Variants in SLC17A1 observed in about 807,000 individuals in gnomAD.
SLC17A1 encodes the protein sodium-dependent phosphate transport protein 1.
In SLC17A1, 51 loss-of-function variants were observed where a neutral mutation model predicts 53.5. The ratio of observed to expected loss-of-function variants is 0.95; its 90% CI spans 0.76 to 1.20. SLC17A1 has a LOEUF of 1.20. SLC17A1 is among the 50% of genes most tolerant of loss of function. SLC17A1 has a pLI of 0.00. For synonymous variants in SLC17A1, 179 were observed against 198.8 expected (o/e 0.90, Z 0.84); for missense variants, 538 against 568.2 (o/e 0.95, Z 0.54).
At chr6:25,787,162 T>G (rs556242095) in intron 12 of SLC17A1, among the ~76,000 whole-genome samples, 135 of 152,190 alleles carry the variant, frequency 8.9e-4, no homozygotes, top group Middle Eastern at 3.4e-3. Flanking sequence ...GTAAACCCTT[T>G]GCATCCTCAC....
chr6:25,804,468 A>G (rs1763889764), intron 10 of SLC17A1, among the ~76,000 whole-genome samples: 2 of 152,128 alleles, frequency 1.3e-5, no homozygotes, highest in Non-Finnish European at 2.9e-5. Context: ...AAGGCCTATA[A>G]AACAATAACA....
intron 12 of SLC17A1, 59 bp downstream of exon 12, chr6:25,798,713 GTCATCCTTATC>G: frequency 7.0e-7 from 1 of 1,425,332 alleles, no homozygotes; most frequent in Non-Finnish European, 9.5e-7. Context: ...CGTCTGAGGA[GTCATCCTTATC>G]TCCTCTGTCT....
chr6:25,806,710 G>A (rs1763966712), intron 10 of SLC17A1, among the ~76,000 whole-genome samples: 2 of 152,032 alleles, frequency 1.3e-5, no homozygotes, highest in Non-Finnish European at 2.9e-5. Context: ...ATCCTGTACA[G>A]CAAAAGAAAT....
intron 12 of SLC17A1, among the ~76,000 whole-genome samples, chr6:25,794,659 C>G (rs1763567754): frequency 6.6e-6 from 1 of 152,130 alleles, no homozygotes; most frequent in African/African-American, 2.4e-5. Context: ...TGACATTGGA[C>G]ATCAACTCAC....
the SLC17A1 span, among the ~76,000 whole-genome samples, chr6:25,764,713 G>A: frequency 6.6e-6 from 1 of 152,180 alleles, no homozygotes; most frequent in Non-Finnish European, 1.5e-5. Context: ...GACCCCATGA[G>A]CCCCTCAAGG....
At chr6:25,810,054 G>GTA (rs1482721342) in intron 10 of SLC17A1, among the ~76,000 whole-genome samples, 4 of 151,990 alleles carry the variant, frequency 2.6e-5, no homozygotes, top group East Asian at 3.9e-4. Flanking sequence ...GGACAACTGG[G>GTA]TATCCACATG....
At chr6:25,748,162 A>T in the SLC17A1 span, among the ~76,000 whole-genome samples, 1 of 152,206 alleles carries the variant, frequency 6.6e-6, no homozygotes, top group Non-Finnish European at 1.5e-5. Context: ...TATGACAGTC[A>T]GGAACACAAA....
intron 12 of SLC17A1, among the ~76,000 whole-genome samples, chr6:25,790,162 T>A (rs1396316750): frequency 6.6e-6 from 1 of 152,194 alleles, no homozygotes; most frequent in Non-Finnish European, 1.5e-5. Context: ...CCTTAAGTCA[T>A]CTTTGTTCAA....
chr6:25,734,757 T>G, the SLC17A1 span, among the ~76,000 whole-genome samples: 1 of 152,242 alleles, frequency 6.6e-6, no homozygotes, highest in Non-Finnish European at 1.5e-5. Flanking sequence ...TGTTAATATG[T>G]TTAGATGGAT....
chr6:25,727,979 C>T, the SLC17A1 span, among the ~76,000 whole-genome samples: 1 of 152,034 alleles, frequency 6.6e-6, no homozygotes, highest in Non-Finnish European at 1.5e-5. Flanking sequence ...ATCGTCACTG[C>T]ACTACAGCCT....
chr6:25,784,197 G>A (rs1763329886), intron 12 of SLC17A1, among the ~76,000 whole-genome samples: 1 of 152,152 alleles, frequency 6.6e-6, no homozygotes, highest in Non-Finnish European at 1.5e-5. Flanking sequence ...GTCTAAACAT[G>A]CTGCAGATGT....
intron 12 of SLC17A1, among the ~76,000 whole-genome samples, chr6:25,787,326 T>TA (rs59569607): frequency 0.099 from 14,587 of 147,048 alleles, 1,415 homozygotes; most frequent in African/African-American, 0.26. Context: ...ATCTCTACTT[T>TA]AAAAAAAAAA....
chr6:25,765,217 TAC>T, the SLC17A1 span, among the ~76,000 whole-genome samples: 39 of 152,326 alleles, frequency 2.6e-4, no homozygotes, highest in African/African-American at 8.9e-4. Context: ...AATTGACAGG[TAC>T]ACTTATGAAA....
downstream of SLC17A1, among the ~76,000 whole-genome samples, chr6:25,778,387 A>G (rs1196525108): frequency 6.6e-6 from 1 of 152,010 alleles, no homozygotes; most frequent in Non-Finnish European, 1.5e-5. Flanking sequence ...ACAAAGAAAG[A>G]GTATTCTTTA....
At chr6:25,760,046 G>C in the SLC17A1 span, among the ~76,000 whole-genome samples, 1 of 152,156 alleles carries the variant, frequency 6.6e-6, no homozygotes, top group Non-Finnish European at 1.5e-5. Context: ...ACAAGTGGGA[G>C]GATGCAGCTT....
chr6:25,766,812 T>G, the SLC17A1 span, among the ~76,000 whole-genome samples: 2 of 152,186 alleles, frequency 1.3e-5, no homozygotes, highest in Non-Finnish European at 2.9e-5. Flanking sequence ...GTATTTAGAA[T>G]ACATTTTAGA....
intron 3 of SLC17A1, 48 bp downstream of exon 3, chr6:25,826,413 C>A: frequency 6.9e-7 from 1 of 1,451,256 alleles, no homozygotes; most frequent in African/African-American, 1.4e-5. Flanking sequence ...AATTAGTTAG[C>A]AAGACAGGCT....
chr6:25,762,741 C>T, the SLC17A1 span, among the ~76,000 whole-genome samples: 4 of 152,146 alleles, frequency 2.6e-5, no homozygotes, highest in Admixed American at 6.5e-5. Context: ...CTAATCTCAA[C>T]CATCACAGAA....
chr6:25,733,058 A>G, the SLC17A1 span, among the ~76,000 whole-genome samples: 1 of 152,160 alleles, frequency 6.6e-6, no homozygotes, highest in Non-Finnish European at 1.5e-5. Flanking sequence ...GGGTATCCGA[A>G]GCAGTTTCCT....
Sources: gnomAD v4.1 joint callset for allele counts (sites outside exome capture counted in the v4.1 genomes callset) on GRCh38, gnomAD v4.1.1 for gene constraint, MANE v1.5 for transcripts, NCBI Gene and HGNC (gene_info 2026-07-23, HGNC 2026-07-21) for gene names.